The following LRMDA variants were observed in gnomAD, a reference collection of about 807,000 sequenced individuals.
LRMDA encodes the protein leucine-rich melanocyte differentiation-associated protein.
In LRMDA, 18 loss-of-function variants were observed where a neutral mutation model predicts 29.8. The observed-to-expected ratio is 0.60, with a 90% CI of 0.42 to 0.90. The LOEUF (loss-of-function observed/expected upper bound fraction) is 0.90, where lower values mean the gene tolerates loss of function less well. Ranked by LOEUF, LRMDA falls within the 40% of genes least tolerant of loss-of-function variation. The pLI is 0.00. For synonymous variants in LRMDA, 125 were observed against 109.4 expected (o/e 1.14, Z -0.89); for missense variants, 273 against 273.9 (o/e 1.00, Z 0.02).
chr10:76,376,596 C>T (rs1035555003), intron 6 of LRMDA, among the ~76,000 whole-genome samples: 1 of 151,984 alleles, frequency 6.6e-6, no homozygotes, highest in African/African-American at 2.4e-5. Context: ...AGTGGAATTG[C>T]TGGATTTAAT....
intron 2 of LRMDA, among the ~76,000 whole-genome samples, chr10:75,509,390 T>G (rs887110418): frequency 6.6e-6 from 1 of 152,246 alleles, no homozygotes; most frequent in Non-Finnish European, 1.5e-5. Context: ...TTTTACTTTC[T>G]GCTTCCACAG....
rs1006319634 is a variant in LRMDA, at chr10:76,225,069, G to T, written c.517-99332G>T. On this transcript the variant is annotated intron_variant, in intron 5 of 6. Coordinates refer to ENST00000611255, the MANE Select transcript of LRMDA (RefSeq NM_001305581.2). ...CACATTTATTGAGTTGTCTCTGTGT[G>T]CTATGGTTTGGAAATATTTGACGCC... Among the ~76,000 whole-genome samples the T allele has an allele frequency of 6.6e-5, 10 of 151,978 alleles. 1 individual carries two copies. The highest frequency in any genetic ancestry group is 6.6e-4 in the Admixed American group (10 of 15,248).
chr10:76,418,545 T>G (rs988358015), intron 6 of LRMDA, among the ~76,000 whole-genome samples: 2 of 152,074 alleles, frequency 1.3e-5, no homozygotes, highest in Admixed American at 1.3e-4. Context: ...GTTTCTAGAG[T>G]TTTTGGTTTT....
chr10:76,112,180 G>C (rs963583151), intron 5 of LRMDA, among the ~76,000 whole-genome samples: 4 of 152,166 alleles, frequency 2.6e-5, no homozygotes, highest in Non-Finnish European at 5.9e-5. Flanking sequence ...GGGCGGACGG[G>C]GACCCCTGTC....
chr10:75,687,058 C>T (rs1028649069), intron 2 of LRMDA, among the ~76,000 whole-genome samples: 1 of 152,208 alleles, frequency 6.6e-6, no homozygotes, highest in Non-Finnish European at 1.5e-5. Flanking sequence ...TCTCCCATCC[C>T]TGTCCCTCTC....
chr10:75,587,948 T>G (rs1840676367), intron 2 of LRMDA, among the ~76,000 whole-genome samples: 2 of 152,224 alleles, frequency 1.3e-5, no homozygotes, highest in Admixed American at 1.3e-4. Flanking sequence ...GGTTGTTTCT[T>G]GTATAACCCC....
intron 6 of LRMDA, among the ~76,000 whole-genome samples, chr10:76,430,149 T>C (rs938713579): frequency 6.6e-6 from 1 of 152,162 alleles, no homozygotes; most frequent in African/African-American, 2.4e-5. Context: ...AGGTATATTT[T>C]CCCCCATCTC....
At position 75,431,736 on chromosome 10, in the gene LRMDA, C is replaced by T. The variant is rs1316906471; in HGVS notation, c.12C>T (p.Leu4=). The change falls in exon 1 of 7, where the codon CTC becomes CTT. Residue 4 remains leucine (L), a synonymous_variant. Coordinates refer to ENST00000611255, the MANE Select transcript of LRMDA (RefSeq NM_001305581.2). The part of the protein sequence containing the change: MAG[L]VVRGTQVSYI... Reference sequence around the variant, plus strand: ...GCGTCCTGGCCGCCATGGCCGGGCTCGTGGTGCGTGGAACTCAAGTAAGTC... The same window carrying T: ...GCGTCCTGGCCGCCATGGCCGGGCTTGTGGTGCGTGGAACTCAAGTAAGTC... 3 of 1,370,538 alleles carry T rather than the reference C, an allele frequency of 2.2e-6. No homozygotes were observed. The highest frequency in any genetic ancestry group is 3.0e-5 in the African/African-American group (2 of 67,104). 84.9% of individuals were successfully genotyped at this position (1,370,538 alleles called of 1,614,324 possible).
intron 2 of LRMDA, among the ~76,000 whole-genome samples, chr10:76,011,800 G>C (rs1424242698): frequency 6.6e-6 from 1 of 152,190 alleles, no homozygotes; most frequent in Non-Finnish European, 1.5e-5. Context: ...CTTTGGGCAG[G>C]TGGGGCAAAA....
chr10:75,656,365 T>C (rs1307725798), intron 2 of LRMDA, among the ~76,000 whole-genome samples: 1 of 152,220 alleles, frequency 6.6e-6, no homozygotes, highest in Non-Finnish European at 1.5e-5. Flanking sequence ...GTGCAATCTG[T>C]ACAATAATAG....
At chr10:76,361,041 G>A (rs943055964) in intron 6 of LRMDA, among the ~76,000 whole-genome samples, 1 of 152,022 alleles carries the variant, frequency 6.6e-6, no homozygotes, top group Non-Finnish European at 1.5e-5. Context: ...CAGGTGGATC[G>A]CTGGACGTCA....
At chr10:75,496,907 C>T (rs1845050916) in intron 2 of LRMDA, among the ~76,000 whole-genome samples, 1 of 151,914 alleles carries the variant, frequency 6.6e-6, no homozygotes, top group South Asian at 2.1e-4. Flanking sequence ...GGTATATACA[C>T]ATATGTGTAT....
At chr10:75,641,973 T>C (rs1322074071) in intron 2 of LRMDA, among the ~76,000 whole-genome samples, 1 of 152,138 alleles carries the variant, frequency 6.6e-6, no homozygotes, top group Non-Finnish European at 1.5e-5. Flanking sequence ...GCAGAGAAAG[T>C]GTATTGTACT....
chr10:75,530,061 A>C lies in LRMDA; in HGVS notation c.131+91567A>C, dbSNP rs932316034. Among the ~76,000 whole-genome samples, 4 of 152,222 alleles carry C rather than the reference A, an allele frequency of 2.6e-5. No individual in the cohort carries two copies. The South Asian group carries it at 8.3e-4, about 32-fold the overall frequency. ...AACCATAGAATTTCTTGATTCTTTA[A>C]AACATACATATATTTTAGGTAGTTA... On this transcript the variant is annotated intron_variant, in intron 2 of 6. Coordinates refer to ENST00000611255, the MANE Select transcript of LRMDA (RefSeq NM_001305581.2).
intron 2 of LRMDA, among the ~76,000 whole-genome samples, chr10:75,496,548 C>T (rs1356843969): frequency 6.6e-6 from 1 of 152,116 alleles, no homozygotes; most frequent in African/African-American, 2.4e-5. Flanking sequence ...TTTAATAACC[C>T]TCATCTTTTT....
chr10:75,566,146 A>T (rs1327509165), intron 2 of LRMDA, among the ~76,000 whole-genome samples: 1 of 152,198 alleles, frequency 6.6e-6, no homozygotes, highest in African/African-American at 2.4e-5. Flanking sequence ...TTTAGGATGG[A>T]GGGCTTCTTT....
At chr10:76,435,338 C>G (rs1479512076) in intron 6 of LRMDA, among the ~76,000 whole-genome samples, 1 of 152,112 alleles carries the variant, frequency 6.6e-6, no homozygotes, top group Non-Finnish European at 1.5e-5. Flanking sequence ...GTTCTCACCC[C>G]AAGTTTCTCT....
intron 5 of LRMDA, among the ~76,000 whole-genome samples, chr10:76,165,883 A>T (rs570502067): frequency 2.6e-5 from 4 of 152,330 alleles, no homozygotes; most frequent in South Asian, 2.1e-4. Flanking sequence ...AACAAACCAT[A>T]TCAGCACACT....
intron 2 of LRMDA, among the ~76,000 whole-genome samples, chr10:75,884,915 G>A (rs1477566315): frequency 6.6e-6 from 1 of 151,758 alleles, no homozygotes; most frequent in African/African-American, 2.4e-5. Context: ...GTCCGGGGAG[G>A]ATAGCAGTTC....
Sources: allele counts gnomAD v4.1 joint callset (sites outside exome capture counted in the v4.1 genomes callset), GRCh38; gene constraint gnomAD v4.1.1; transcripts MANE v1.5; gene names NCBI Gene and HGNC (gene_info 2026-07-23, HGNC 2026-07-21).